SNX13: variants seen among roughly 807,000 people sequenced by gnomAD.
The protein encoded by SNX13 is sorting nexin 13, also known as sorting nexin-13.
Under a neutral mutation model 133.6 loss-of-function variants are expected in SNX13, and 45 were observed. The ratio of observed to expected loss-of-function variants is 0.34; its 90% CI spans 0.27 to 0.43. SNX13 has a LOEUF of 0.43. Among genes scored for constraint, SNX13 ranks in the 20% least tolerant of loss-of-function variants. The pLI is 1.00. For synonymous variants in SNX13, 414 were observed against 373.9 expected, an observed-to-expected ratio of 1.11 and a Z score of -1.24; for missense variants, 1,032 against 1,145.1, an observed-to-expected ratio of 0.90 and a Z score of 1.43.
At chr7:17,920,852 G>C (rs1177123604) in intron 1 of SNX13, among the ~76,000 whole-genome samples, 1 of 152,132 alleles carries the variant, frequency 6.6e-6, no homozygotes, top group Non-Finnish European at 1.5e-5. Flanking sequence ...ATAAATAGTT[G>C]CTCACAAATC....
chr7:17,826,764 C>A (rs1404414), intron 16 of SNX13, among the ~76,000 whole-genome samples: 7 of 151,928 alleles, frequency 4.6e-5, no homozygotes, highest in African/African-American at 1.7e-4. Flanking sequence ...TTTATAACTA[C>A]GGCCTTTGGG....
intron 5 of SNX13, among the ~76,000 whole-genome samples, chr7:17,877,985 T>A (rs1426370399): frequency 6.6e-6 from 1 of 152,106 alleles, no homozygotes; most frequent in East Asian, 1.9e-4. Flanking sequence ...TTTCTAATAA[T>A]GTTTGTCTTA....
intron 1 of SNX13, among the ~76,000 whole-genome samples, chr7:17,913,220 G>A (rs918809630): frequency 2.0e-5 from 3 of 152,210 alleles, no homozygotes; most frequent in East Asian, 1.9e-4. Context: ...GCCACAAAAG[G>A]AGGGACCACC....
At chr7:17,800,088 A>G (rs1784455036) in intron 22 of SNX13, among the ~76,000 whole-genome samples, 2 of 151,764 alleles carry the variant, frequency 1.3e-5, no homozygotes, top group Non-Finnish European at 3.0e-5. Context: ...TTACTGAGAC[A>G]GAATAAAAAC....
intron 9 of SNX13, among the ~76,000 whole-genome samples, chr7:17,860,064 A>G (rs954653727): frequency 2.0e-5 from 3 of 152,112 alleles, no homozygotes; most frequent in Non-Finnish European, 4.4e-5. Context: ...AGAACCTCCA[A>G]ACTGTTTTCC....
chr7:17,822,201 T>A (rs1787373359), intron 17 of SNX13, among the ~76,000 whole-genome samples: 2 of 148,140 alleles, frequency 1.4e-5, no homozygotes, highest in African/African-American at 2.5e-5. Flanking sequence ...ATTCTGGGGA[T>A]TTTTTTTTTT....
intron 1 of SNX13, among the ~76,000 whole-genome samples, chr7:17,915,533 C>T (rs905003698): frequency 2.0e-5 from 3 of 152,178 alleles, no homozygotes; most frequent in African/African-American, 7.2e-5. Context: ...TTTTTAAGAT[C>T]AGGGCTGCCT....
intron 9 of SNX13, among the ~76,000 whole-genome samples, chr7:17,855,852 A>AT (rs987400700): frequency 2.0e-5 from 3 of 152,230 alleles, no homozygotes; most frequent in East Asian, 3.8e-4. Context: ...TAGGAAATGC[A>AT]TTTTTTGTAA....
At chr7:17,825,823 T>C (rs1019605127) in intron 17 of SNX13, among the ~76,000 whole-genome samples, 199 bp downstream of exon 17, 1 of 152,134 alleles carries the variant, frequency 6.6e-6, no homozygotes, top group Admixed American at 6.6e-5. Flanking sequence ...CAAATGTTGA[T>C]AGTGACAATC....
At chr7:17,834,668 C>A (rs1788930429) in intron 14 of SNX13, 93 bp downstream of exon 14, 2 of 719,952 alleles carry the variant, frequency 2.8e-6, no homozygotes, top group African/African-American at 1.8e-5. Flanking sequence ...TAATACCACT[C>A]TACTTTTAGA....
chr7:17,896,332 A>G (rs897049246), intron 2 of SNX13, among the ~76,000 whole-genome samples: 1 of 152,214 alleles, frequency 6.6e-6, no homozygotes, highest in Non-Finnish European at 1.5e-5. Context: ...AGTCCTTGAC[A>G]TAGCTGCTCA....
chr7:17,935,220 A>G (rs1167947898), intron 1 of SNX13, among the ~76,000 whole-genome samples: 7 of 152,244 alleles, frequency 4.6e-5, no homozygotes, highest in African/African-American at 1.7e-4. Flanking sequence ...TTGCTACAAC[A>G]TGAACGAACA....
intron 9 of SNX13, among the ~76,000 whole-genome samples, chr7:17,863,219 G>A (rs1435422020): frequency 6.6e-6 from 1 of 152,126 alleles, no homozygotes; most frequent in African/African-American, 2.4e-5. Flanking sequence ...GACATGGCCT[G>A]GGGCACTAAA....
chr7:17,822,564 C>T (rs573623555), intron 17 of SNX13, among the ~76,000 whole-genome samples: 4 of 152,246 alleles, frequency 2.6e-5, no homozygotes, highest in South Asian at 4.1e-4. Context: ...AACATACTTA[C>T]GGCCAAGTCT....
chr7:17,796,873 C>T lies in SNX13; in HGVS notation c.2580G>A (p.Met860Ile). 1 of 1,611,286 alleles carries T rather than the reference C, an allele frequency of 6.2e-7. No individual in the cohort carries two copies. The highest frequency in any genetic ancestry group is 1.7e-4 in the Middle Eastern group (1 of 6,044). Reference sequence around the variant, plus strand: ...TCGTTTTTCCTGCTACTCTTGTTCTCATTCGAATACTTTTATCTCTGCATG... The same window carrying T: ...TCGTTTTTCCTGCTACTCTTGTTCTTATTCGAATACTTTTATCTCTGCATG... ...AVPCRDKSIR[M>I]RTRVAGKTKL... is the part of the protein sequence containing the mutation. Residue 860 changes from methionine to isoleucine, a missense_variant, in exon 25 of 26, where the codon ATG becomes ATA. Met to Ile is a conservative substitution (Grantham distance 10, BLOSUM62 1). Transcript: ENST00000428135.
chr7:17,925,791 AG>A (rs1454029037), intron 1 of SNX13, among the ~76,000 whole-genome samples: 2 of 152,038 alleles, frequency 1.3e-5, no homozygotes, highest in African/African-American at 4.8e-5. Context: ...GGGAAAAAAG[AG>A]GAGGAGAAAG....
chr7:17,926,149 T>C (rs958197607), intron 1 of SNX13, among the ~76,000 whole-genome samples: 1 of 152,090 alleles, frequency 6.6e-6, no homozygotes, highest in Non-Finnish European at 1.5e-5. Context: ...TAACAGAAGA[T>C]AAATACGAAG....
chr7:17,816,123 T>C, intron 19 of SNX13, 59 bp downstream of exon 19: 1 of 1,460,420 alleles, frequency 6.8e-7, no homozygotes, highest in Non-Finnish European at 9.1e-7. Flanking sequence ...TGAAAAACAT[T>C]CTACACCTGT....
chr7:17,814,799 A>G (rs1282521568), intron 20 of SNX13, 35 bp downstream of exon 20: 34 of 1,433,724 alleles, frequency 2.4e-5, no homozygotes, highest in Non-Finnish European at 3.1e-5. Flanking sequence ...AAACAGACCT[A>G]GAAAGAAACC....
Sources: gnomAD v4.1 joint callset for allele counts (sites outside exome capture counted in the v4.1 genomes callset) on GRCh38, gnomAD v4.1.1 for gene constraint, MANE v1.5 for transcripts, NCBI Gene and HGNC (gene_info 2026-07-23, HGNC 2026-07-21) for gene names.